Variants in ARHGEF7 observed in about 807,000 individuals in gnomAD.
ARHGEF7 encodes Rho guanine nucleotide exchange factor 7.
Under a neutral mutation model 109.8 loss-of-function variants are expected in ARHGEF7, and 33 were observed. The ratio of observed to expected loss-of-function variants is 0.30; its 90% CI spans 0.23 to 0.40. The LOEUF (loss-of-function observed/expected upper bound fraction) is 0.40. ARHGEF7 is among the 10% of genes least tolerant of loss of function. The probability of loss-of-function intolerance (pLI) is 1.00; values close to 1 mark genes in which losing one functional copy is unlikely to be tolerated. For missense variants in ARHGEF7, 938 were observed against 1,098.5 expected, an observed-to-expected ratio of 0.85 and a Z score of 2.07; for synonymous variants, 458 against 424.6, an observed-to-expected ratio of 1.08 and a Z score of -0.97.
Position 111,115,567 on chromosome 13 carries a change from T to TG in ARHGEF7, c.46dup (p.Val16GlyfsTer72). 7.1e-7 allele frequency: 1 copy of TG among 1,413,242 alleles called. No homozygotes were observed. 87.5% of individuals were successfully genotyped at this position (1,413,242 alleles called of 1,614,324 possible). A position where few individuals can be genotyped will look rare whatever the true frequency, so the allele number is the denominator to read the frequency against. The stretch of plus-strand genomic sequence containing the variant: ...CAAACCGTTACGTGGCTCATCACTC[T>TG]GGGGGTGCTGGAGTCGCCCAAAAAA... On this transcript the variant is annotated frameshift_variant, in exon 1 of 22. Coordinates refer to ENST00000646102, the MANE Select transcript of ARHGEF7 (RefSeq NM_001354046.2). LOFTEE classifies it high-confidence loss of function.
intron 6 of ARHGEF7, among the ~76,000 whole-genome samples, chr13:111,236,538 T>C (rs2086863011): frequency 6.6e-6 from 1 of 152,256 alleles, no homozygotes; most frequent in South Asian, 2.1e-4. Context: ...TTCTGTAGTT[T>C]ATCTTCCCAT....
At chr13:111,181,664 T>C (rs1035415338) in intron 2 of ARHGEF7, among the ~76,000 whole-genome samples, 3 of 152,158 alleles carry the variant, frequency 2.0e-5, no homozygotes, top group African/African-American at 7.2e-5. Flanking sequence ...GTGAACAAGA[T>C]ATCTGTGCCC....
chr13:111,210,920 A>C (rs9588382), intron 4 of ARHGEF7, among the ~76,000 whole-genome samples: 21,416 of 152,232 alleles, frequency 0.14, 1,559 homozygotes, highest in South Asian at 0.23. Context: ...TCCTCAAGAA[A>C]TAAAAGTTAA....
intron 5 of ARHGEF7, among the ~76,000 whole-genome samples, chr13:111,220,522 G>A (rs151086201): frequency 6.5e-4 from 99 of 152,256 alleles, no homozygotes; most frequent in African/African-American, 2.3e-3. Flanking sequence ...GGGGTTTGTG[G>A]ATCTCAAAAT....
chr13:111,235,468 A>G (rs9515397), intron 6 of ARHGEF7, among the ~76,000 whole-genome samples: 67,792 of 152,108 alleles, frequency 0.45, 15,824 homozygotes, highest in South Asian at 0.56. Context: ...ACTCTTTCAT[A>G]CAGAATGATG....
At chr13:111,269,667 G>C (rs949887477) in intron 9 of ARHGEF7, among the ~76,000 whole-genome samples, 61 of 152,240 alleles carry the variant, frequency 4.0e-4, no homozygotes, top group African/African-American at 1.4e-3. Context: ...CTTTAGTGCT[G>C]GGAGTCAGAG....
intron 2 of ARHGEF7, among the ~76,000 whole-genome samples, chr13:111,156,349 ATTAGTTTTG>A (rs1237521539): frequency 1.3e-5 from 2 of 152,240 alleles, no homozygotes; most frequent in Non-Finnish European, 2.9e-5. Context: ...AAAGTAAAAA[ATTAGTTTTG>A]ACTTATTTTG....
At chr13:111,261,445 A>G (rs915310280) in intron 8 of ARHGEF7, among the ~76,000 whole-genome samples, 1 of 152,212 alleles carries the variant, frequency 6.6e-6, no homozygotes, top group African/African-American at 2.4e-5. Flanking sequence ...CCAACATTGG[A>G]GCACCCAGAT....
intron 1 of ARHGEF7, chr13:111,143,904 C>T (rs561751150): frequency 5.9e-5 from 9 of 152,322 alleles, no homozygotes; most frequent in Middle Eastern, 3.4e-3. Context: ...GAACAAAATA[C>T]GACTCAATGG....
intron 9 of ARHGEF7, among the ~76,000 whole-genome samples, chr13:111,269,261 G>A (rs189862556): frequency 7.6e-4 from 116 of 152,270 alleles, no homozygotes; most frequent in South Asian, 2.3e-3. Flanking sequence ...TCCAGAAAGC[G>A]CAATGCAAGT....
At chr13:111,249,851 G>A (rs747339065) in intron 8 of ARHGEF7, among the ~76,000 whole-genome samples, 55 of 152,132 alleles carry the variant, frequency 3.6e-4, no homozygotes, top group Non-Finnish European at 5.6e-4. Flanking sequence ...CAGGGTTGTG[G>A]AATGACAGCT....
At chr13:111,294,872 T>C (rs370243690) in intron 19 of ARHGEF7, 1 of 985,904 alleles carries the variant, frequency 1.0e-6, no homozygotes, top group Non-Finnish European at 1.2e-6. Context: ...GGTGTTCCCT[T>C]TGAAATAACG....
intron 19 of ARHGEF7, among the ~76,000 whole-genome samples, chr13:111,295,755 T>C (rs1213910331): frequency 6.6e-6 from 1 of 152,212 alleles, no homozygotes. Flanking sequence ...TAGATGACTT[T>C]TGGAGAGAGA....
At position 111,283,318 on chromosome 13, in the gene ARHGEF7, G is replaced by A. The variant is rs192452562; in HGVS notation, c.1905G>A (p.Arg635=). The change falls in exon 16 of 22, where the codon CGG becomes CGA. Residue 635 remains arginine, a synonymous_variant. Coordinates refer to ENST00000646102, the MANE Select transcript of ARHGEF7 (RefSeq NM_001354046.2). ...AGCCCTGGAGCCTGAGCTGCCTGCG[G>A]CCCGCGCCTCCCCTCCGGCCCTCAG... ...TPKPWSLSCL[R]PAPPLRPSAA... The A allele has an allele frequency of 8.2e-5, 129 of 1,564,082 alleles. No homozygotes were observed. The East Asian group carries it at 1.9e-3, about 23-fold the overall frequency.
chr13:111,164,793 G>A (rs1477748015), intron 2 of ARHGEF7, among the ~76,000 whole-genome samples: 3 of 152,154 alleles, frequency 2.0e-5, no homozygotes, highest in Non-Finnish European at 4.4e-5. Context: ...GCGGAATCGG[G>A]ATAAGAATAA....
At chr13:111,115,910 G>C (rs1209658970) in intron 1 of ARHGEF7, among the ~76,000 whole-genome samples, 1 of 150,744 alleles carries the variant, frequency 6.6e-6, no homozygotes, top group Admixed American at 6.6e-5. Flanking sequence ...GGGTCGGGGG[G>C]AGGGGCGGCG....
intron 4 of ARHGEF7, among the ~76,000 whole-genome samples, chr13:111,214,839 C>G (rs1289492738): frequency 6.7e-6 from 1 of 149,474 alleles, no homozygotes; most frequent in East Asian, 2.2e-4. Flanking sequence ...ATAATTAATA[C>G]TTAATCTGTA....
chr13:111,221,236 T>C lies in ARHGEF7; in HGVS notation c.670+3356T>C, dbSNP rs1480421310. ...ATATGTCTATATATATCTATATAGA[T>C]ATATATGTCTATATATATCTATATA... On this transcript the variant is annotated intron_variant, in intron 5 of 21. Coordinates refer to ENST00000646102, the MANE Select transcript of ARHGEF7 (RefSeq NM_001354046.2). Among the ~76,000 whole-genome samples the C allele has an allele frequency of 6.1e-3, 323 of 52,856 alleles. 4 individuals are homozygous for C. Among genetic ancestry groups the C allele is most frequent in the Non-Finnish European group, 7.6e-3 (206 of 27,252 alleles). The allele number at this position is 52,856 out of a possible 152,430, so 34.7% of individuals were successfully genotyped here.
intron 1 of ARHGEF7, among the ~76,000 whole-genome samples, chr13:111,117,063 C>T (rs1180411269): frequency 2.0e-5 from 3 of 152,176 alleles, no homozygotes; most frequent in African/African-American, 7.2e-5. Flanking sequence ...GATACTGGTA[C>T]CTCTGGTAAT....
Sources: gnomAD v4.1 joint callset for allele counts (sites outside exome capture counted in the v4.1 genomes callset) on GRCh38, gnomAD v4.1.1 for gene constraint, MANE v1.5 for transcripts, NCBI Gene and HGNC (gene_info 2026-07-23, HGNC 2026-07-21) for gene names.